The following FCHO2 variants were observed in gnomAD, a reference collection of about 807,000 sequenced individuals.
FCHO2 encodes FCH and mu domain containing endocytic adaptor 2.
A neutral mutation model predicts 114.1 loss-of-function variants in FCHO2; 43 were observed. The ratio of observed to expected loss-of-function variants is 0.38; its 90% CI spans 0.30 to 0.49. FCHO2 has a LOEUF of 0.49. FCHO2 is among the 20% of genes least tolerant of loss of function. The pLI, the probability that FCHO2 is intolerant of heterozygous loss-of-function variation, is 0.97. For missense variants in FCHO2, 807 were observed against 950.4 expected (o/e 0.85, Z 1.98); for synonymous variants, 293 against 315.2 (o/e 0.93, Z 0.75).
chr5:72,964,034 G>C (rs528436445), intron 1 of FCHO2, among the ~76,000 whole-genome samples: 15 of 148,688 alleles, frequency 1.0e-4, no homozygotes, highest in Non-Finnish European at 1.9e-4. Flanking sequence ...GAAGAGCTGA[G>C]AAAACTGAAA....
intron 2 of FCHO2, among the ~76,000 whole-genome samples, chr5:72,980,311 CTGTT>C (rs1208628135): frequency 4.7e-4 from 71 of 152,244 alleles, no homozygotes; most frequent in African/African-American, 1.5e-3. Flanking sequence ...GTCTGAGAGA[CTGTT>C]TGTTATGATT....
chr5:73,057,144 A>G (rs181624665), intron 16 of FCHO2, among the ~76,000 whole-genome samples: 7 of 151,082 alleles, frequency 4.6e-5, no homozygotes, highest in Admixed American at 4.0e-4. Flanking sequence ...TATATTTCCC[A>G]GGCTGGTCTC....
chr5:73,083,195 G>A (rs1322569248), intron 24 of FCHO2, among the ~76,000 whole-genome samples: 2 of 151,926 alleles, frequency 1.3e-5, no homozygotes, highest in African/African-American at 4.8e-5. Flanking sequence ...TGGGTGCACC[G>A]TTCCTGGAAG....
intron 1 of FCHO2, among the ~76,000 whole-genome samples, chr5:72,959,690 G>T (rs1011860879): frequency 6.6e-6 from 1 of 151,932 alleles, no homozygotes; most frequent in Admixed American, 6.6e-5. Context: ...TCAATTAAAA[G>T]ATAAAAACTT....
chr5:73,018,753 G>A (rs1391921734), intron 8 of FCHO2, among the ~76,000 whole-genome samples: 2 of 152,116 alleles, frequency 1.3e-5, no homozygotes, highest in Non-Finnish European at 2.9e-5. Flanking sequence ...GATACTTCAT[G>A]AAGAATTTCT....
chr5:73,018,523 C>CTTTTTT (rs70973220), intron 8 of FCHO2, among the ~76,000 whole-genome samples: 1 of 132,112 alleles, frequency 7.6e-6, no homozygotes, highest in Non-Finnish European at 1.7e-5. Flanking sequence ...TAACTTTCTT[C>CTTTTTT]TTTTTTTTTT....
chr5:73,049,682 T>A (rs62362193), intron 11 of FCHO2, among the ~76,000 whole-genome samples: 42,257 of 152,092 alleles, frequency 0.28, 6,146 homozygotes, highest in East Asian at 0.44. Flanking sequence ...CTTATGGGAA[T>A]TTTATGATGT....
chr5:73,056,238 T>A, intron 16 of FCHO2, 131 bp downstream of exon 16: 1 of 640,030 alleles, frequency 1.6e-6, no homozygotes, highest in Non-Finnish European at 2.6e-6. Flanking sequence ...ATGCCCAGTC[T>A]CTCTCACAGT....
intron 17 of FCHO2, among the ~76,000 whole-genome samples, chr5:73,060,318 CAAAA>C (rs1290417287): frequency 6.6e-6 from 1 of 150,386 alleles, no homozygotes; most frequent in Non-Finnish European, 1.5e-5. Flanking sequence ...TTTTGCCTTT[CAAAA>C]AAAAAGTTAA....
chr5:73,085,606 C>T (rs1431188798), intron 24 of FCHO2, among the ~76,000 whole-genome samples: 1 of 150,560 alleles, frequency 6.6e-6, no homozygotes, highest in Non-Finnish European at 1.5e-5. Flanking sequence ...AAAACCCTGC[C>T]TCTACTAAAA....
intron 19 of FCHO2, among the ~76,000 whole-genome samples, chr5:73,071,945 T>A (rs1742679418): frequency 6.6e-6 from 1 of 152,080 alleles, no homozygotes; most frequent in African/African-American, 2.4e-5. Context: ...AGGTTTCTTT[T>A]AATTTTTAGT....
At chr5:73,074,694 A>C in intron 19 of FCHO2, 48 bp from the exon 20 acceptor site, 11 of 1,520,170 alleles carry the variant, frequency 7.2e-6, no homozygotes, top group Non-Finnish European at 9.9e-6. Context: ...TTGATATTTA[A>C]TTTATGTCTT....
At chr5:73,016,173 G>T (rs749962782) in intron 7 of FCHO2, among the ~76,000 whole-genome samples, 48 of 152,018 alleles carry the variant, frequency 3.2e-4, no homozygotes, top group Non-Finnish European at 6.2e-4. Flanking sequence ...AACTAGCCAG[G>T]CACGGTGGCT....
intron 9 of FCHO2, among the ~76,000 whole-genome samples, chr5:73,035,991 C>T (rs748509439): frequency 7.3e-5 from 11 of 151,588 alleles, no homozygotes; most frequent in African/African-American, 1.7e-4. Flanking sequence ...TACAGGTGTG[C>T]GCCACTACGC....
chr5:73,012,196 G>A (rs1309754813), intron 6 of FCHO2, among the ~76,000 whole-genome samples: 4 of 152,112 alleles, frequency 2.6e-5, no homozygotes, highest in East Asian at 3.9e-4. Flanking sequence ...GTTGCACTAC[G>A]TTATGGCAGC....
chr5:72,979,262 G>A (rs540897002), intron 2 of FCHO2, among the ~76,000 whole-genome samples: 40 of 151,880 alleles, frequency 2.6e-4, no homozygotes, highest in African/African-American at 9.4e-4. Context: ...TGGTTGGTAG[G>A]CTATTAATTA....
At chr5:72,959,260 A>C (rs1434256692) in intron 1 of FCHO2, among the ~76,000 whole-genome samples, 1 of 152,198 alleles carries the variant, frequency 6.6e-6, no homozygotes, top group Non-Finnish European at 1.5e-5. Flanking sequence ...TAATCCCAGC[A>C]CTTTGGGAGG....
chr5:73,027,676 A>T (rs1173505629), intron 8 of FCHO2, among the ~76,000 whole-genome samples: 2 of 152,294 alleles, frequency 1.3e-5, no homozygotes, highest in African/African-American at 4.8e-5. Context: ...CCATTAATCC[A>T]TACAGATAAA....
chr5:73,022,965 T>G (rs75746926), intron 8 of FCHO2, among the ~76,000 whole-genome samples: 1 of 152,194 alleles, frequency 6.6e-6, no homozygotes, highest in Non-Finnish European at 1.5e-5. Flanking sequence ...ATTTTTTTTT[T>G]GTAGTGTCAG....
Sources: allele counts gnomAD v4.1 joint callset (sites outside exome capture counted in the v4.1 genomes callset), GRCh38; gene constraint gnomAD v4.1.1; transcripts MANE v1.5; gene names NCBI Gene and HGNC (gene_info 2026-07-23, HGNC 2026-07-21).